The following AGO3 variants were observed in gnomAD, a reference collection of about 807,000 sequenced individuals.
The protein encoded by AGO3 is protein argonaute-3.
A neutral mutation model predicts 105.5 loss-of-function variants in AGO3; 16 were observed. That is an observed-to-expected ratio of 0.15 (90% CI 0.10 to 0.23). The LOEUF is 0.23. AGO3 is among the 10% of genes least tolerant of loss of function. The pLI is 1.00. For missense variants in AGO3, 534 were observed against 1,088.0 expected, an observed-to-expected ratio of 0.49 and a Z score of 7.16; for synonymous variants, 340 against 367.3, an observed-to-expected ratio of 0.93 and a Z score of 0.85.
At chr1:36,053,636 G>A (rs897100148) in intron 17 of AGO3, among the ~76,000 whole-genome samples, 1 of 151,898 alleles carries the variant, frequency 6.6e-6, no homozygotes, top group Non-Finnish European at 1.5e-5. Flanking sequence ...CTGGAGTGCA[G>A]TGGCACAATC....
Position 36,040,440 on chromosome 1 carries a change from G to A in AGO3, c.2171G>A (p.Arg724Lys). Reference protein sequence around the residue: ...TRLFCADRTERVGRSGNIPAG... With the variant: ...TRLFCADRTEKVGRSGNIPAG... The stretch of plus-strand genomic sequence containing the variant: ...TTATTTTGTGCTGATAGGACAGAAA[G>A]GGTAATCTCACCTCTGTTGTAATAC... The change falls in exon 16 of 19, where the codon AGG (arginine) becomes AAG (lysine). Residue 724 changes from arginine to lysine, a missense_variant and splice_region_variant. Transcript: ENST00000373191. The A allele has an allele frequency of 6.2e-7, 1 of 1,613,948 alleles. No individual in the cohort carries two copies. Among genetic ancestry groups the A allele is most frequent in the Non-Finnish European group, 8.5e-7 (1 of 1,179,948 alleles).
At position 36,008,721 on chromosome 1, in the gene AGO3, A is replaced by C; in HGVS notation, c.825A>C (p.Thr275=). The C allele has an allele frequency of 6.2e-7, 1 of 1,614,186 alleles. No homozygotes were observed. Among genetic ancestry groups the C allele is most frequent in the Non-Finnish European group, 8.5e-7 (1 of 1,180,026 alleles). The change falls in exon 7 of 19, where the codon ACA becomes ACC. Residue 275 remains threonine, a synonymous_variant. Coordinates refer to ENST00000373191, the MANE Select transcript of AGO3 (RefSeq NM_024852.4). This position sits in a 1 kb window ranked among gnomAD's most constrained non-coding sequence, Gnocchi z 5.1. The part of the protein sequence containing the change: ...GLKVEVTHCG[T]MRRKYRVCNV... ...AGGTTGAAGTGACTCATTGTGGAAC[A>C]ATGAGACGGAAATACCGTGTTTGTA...
intron 16 of AGO3, among the ~76,000 whole-genome samples, chr1:36,043,026 G>C (rs528137452): frequency 2.6e-5 from 4 of 152,196 alleles, no homozygotes; most frequent in African/African-American, 4.8e-5. Context: ...TGTGACTGTT[G>C]TTGATCTTGT....
At chr1:35,931,764 G>C in intron 1 of AGO3, among the ~76,000 whole-genome samples, 1 of 152,244 alleles carries the variant, frequency 6.6e-6, no homozygotes. Context: ...GTTGGAGTGC[G>C]TGTCCTTTAG....
At chr1:36,009,112 T>G in intron 8 of AGO3, 68 bp downstream of exon 8, 1 of 1,421,740 alleles carries the variant, frequency 7.0e-7, no homozygotes, top group Non-Finnish European at 9.1e-7. Context: ...TTATGGCCGA[T>G]AACTTACCTC....
intron 8 of AGO3, 140 bp downstream of exon 8, chr1:36,009,184 T>A (rs1291308992): frequency 5.2e-6 from 6 of 1,148,832 alleles, no homozygotes; most frequent in Non-Finnish European, 6.9e-6. Flanking sequence ...CTAAATTTTC[T>A]GTAATGAAAT....
intron 11 of AGO3, among the ~76,000 whole-genome samples, chr1:36,016,007 A>T (rs1195534986): frequency 6.6e-6 from 1 of 152,238 alleles, no homozygotes; most frequent in African/African-American, 2.4e-5. Context: ...GGACAGAAAA[A>T]GGAAAGTGGC....
At chr1:35,965,489 C>CA (rs1171759827) in intron 2 of AGO3, among the ~76,000 whole-genome samples, 21 of 87,386 alleles carry the variant, frequency 2.4e-4, no homozygotes, top group Admixed American at 5.0e-4. Context: ...GACGCTGTCT[C>CA]AAAAAAAAAA....
In AGO3 at chr1:35,966,946, C is replaced by T; in HGVS notation, c.192-9C>T. On this transcript the variant is annotated splice_polypyrimidine_tract_variant and intron_variant, in intron 2 of 18. Transcript: ENST00000373191. Reference sequence around the variant, plus strand: ...AGGATTATGTGAATATATTGTTTCCCTTCTTTAGGGAGGTGGTTGACTCAA... The same window carrying T: ...AGGATTATGTGAATATATTGTTTCCTTTCTTTAGGGAGGTGGTTGACTCAA... 1 of 1,598,484 alleles carries T rather than the reference C, an allele frequency of 6.3e-7. No homozygotes were observed. The highest frequency in any genetic ancestry group is 1.1e-5 in the South Asian group (1 of 87,988).
rs1646880400 is a variant in AGO3 at position 35,972,113 on chromosome 1, C to T, written c.402C>T (p.His134=). Residue 134 remains histidine, a synonymous_variant, in exon 4 of 19, where the codon CAC becomes CAT. Coordinates refer to ENST00000373191, the MANE Select transcript of AGO3 (RefSeq NM_024852.4). ...SIKFVSRVSW[H]LLHEVLTGRT... ...AATTTGTCTCTCGGGTGAGTTGGCA[C>T]CTACTGCATGAAGTACTGACAGGAC... 6.2e-7 allele frequency: 1 copy of T among 1,614,136 alleles called. No individual in the cohort carries two copies. The highest frequency in any genetic ancestry group is 8.5e-7 in the Non-Finnish European group (1 of 1,180,028).
chr1:36,039,900 T>C lies in AGO3; in HGVS notation c.1953T>C (p.Leu651=), dbSNP rs1642176965. The change falls in exon 15 of 19, where the codon CTT becomes CTC. Residue 651 remains leucine, a synonymous_variant. Transcript: ENST00000373191. The part of the protein sequence containing the change: ...QDLASMVREL[L]IQFYKSTRFK... ...TGGCCTCCATGGTCCGGGAACTTCT[T>C]ATTCAATTTTATAAGTCAACTCGGT... The C allele has an allele frequency of 5.6e-6, 9 of 1,614,124 alleles. No individual in the cohort carries two copies. The highest frequency in any genetic ancestry group is 2.2e-5 in the South Asian group (2 of 91,082).
chr1:35,967,572 T>G (rs1646798078), intron 3 of AGO3, among the ~76,000 whole-genome samples: 1 of 151,800 alleles, frequency 6.6e-6, no homozygotes, highest in Admixed American at 6.6e-5. Flanking sequence ...GTGCTACCAC[T>G]CTTGGCTAAT....
chr1:36,035,647 C>T (rs926363338), intron 13 of AGO3, among the ~76,000 whole-genome samples: 1 of 152,030 alleles, frequency 6.6e-6, no homozygotes, highest in Non-Finnish European at 1.5e-5. Context: ...TAATTTTGTG[C>T]CCATGTTGGA....
chr1:36,058,633 G>GA lies in AGO3; in HGVS notation c.*2889dup, dbSNP rs2148868227. 6.6e-6 allele frequency: 1 copy of GA among 152,188 alleles called. No individual in the cohort carries two copies. The highest frequency in any genetic ancestry group is 2.1e-4 in the South Asian group (1 of 4,824). 9.4% of individuals were successfully genotyped at this position (152,188 alleles called of 1,614,324 possible). A position where few individuals can be genotyped will look rare whatever the true frequency, so the allele number is the denominator to read the frequency against. The stretch of plus-strand genomic sequence containing the variant: ...CCTAAAATCTGAGCCCATGTCCTCT[G>GA]ACAGGCATGAAATCTTTTGTCCCTC... On this transcript the variant is annotated 3_prime_UTR_variant, in exon 19 of 19. Coordinates refer to ENST00000373191, the MANE Select transcript of AGO3 (RefSeq NM_024852.4).
chr1:35,962,542 CAA>C (rs1004307116), intron 2 of AGO3, among the ~76,000 whole-genome samples: 29 of 91,944 alleles, frequency 3.2e-4, no homozygotes, highest in Non-Finnish European at 4.3e-4. Flanking sequence ...GACTCCCTCT[CAA>C]AAAAAAAAAA....
At chr1:36,011,431 G>A (rs898738807) in intron 9 of AGO3, among the ~76,000 whole-genome samples, 7 of 151,672 alleles carry the variant, frequency 4.6e-5, no homozygotes, top group Admixed American at 4.6e-4. Flanking sequence ...GAAAATATAT[G>A]CTGGTTTTCA....
chr1:36,029,425 C>T (rs1407132399), intron 12 of AGO3, among the ~76,000 whole-genome samples: 2 of 137,454 alleles, frequency 1.5e-5, no homozygotes, highest in Non-Finnish European at 3.1e-5. Context: ...GAGAGAGTCT[C>T]GCTCTGTCGC....
At chr1:35,960,078 T>A (rs1478932998) in intron 2 of AGO3, among the ~76,000 whole-genome samples, 1 of 152,084 alleles carries the variant, frequency 6.6e-6, no homozygotes, top group Non-Finnish European at 1.5e-5. Context: ...GTACTTATAT[T>A]ATCATATATT....
Position 36,008,152 on chromosome 1 carries a change from T to TA in AGO3, c.794-534dup, listed in dbSNP as rs1640423317. Among the ~76,000 whole-genome samples, 3 of 152,236 alleles carry TA rather than the reference T, an allele frequency of 2.0e-5. No individual in the cohort carries two copies. The South Asian group carries it at 6.2e-4, about 31-fold the overall frequency. On this transcript the variant is annotated intron_variant, in intron 6 of 18. Transcript: ENST00000373191. This position sits in a 1 kb window ranked among gnomAD's most constrained non-coding sequence, Gnocchi z 5.1. ...GCTGTGTCACTATATTATACCTCTA[T>TA]AAAAGTGTCACTTTGCTTCTGTTAA...
Sources: allele counts gnomAD v4.1 joint callset (sites outside exome capture counted in the v4.1 genomes callset), GRCh38; gene constraint gnomAD v4.1.1; non-coding constraint Gnocchi (gnomAD v3.1); transcripts MANE v1.5; gene names NCBI Gene and HGNC (gene_info 2026-07-23, HGNC 2026-07-21).